POU2AF2: variants seen among roughly 807,000 people sequenced by gnomAD.
POU2AF2 encodes POU domain class 2-associating factor 2.
chr11:111,277,696 C>A, the POU2AF2 span, among the ~76,000 whole-genome samples: 1 of 152,328 alleles, frequency 6.6e-6, no homozygotes. Context: ...TTGGCCAGAG[C>A]AGTTTAAGGG....
At chr11:111,255,920 T>C in the POU2AF2 span, 1 of 398,782 alleles carries the variant, frequency 2.5e-6, no homozygotes, top group Non-Finnish European at 4.4e-6. Context: ...CCTAAACATG[T>C]CCTTTGGGAG....
chr11:111,259,624 A>G, the POU2AF2 span, among the ~76,000 whole-genome samples: 1 of 152,104 alleles, frequency 6.6e-6, no homozygotes, highest in Admixed American at 6.6e-5. Context: ...CCCACATTCC[A>G]TATTTAAAGG....
chr11:111,246,840 TA>T, the POU2AF2 span, among the ~76,000 whole-genome samples: 3 of 152,174 alleles, frequency 2.0e-5, no homozygotes, highest in Non-Finnish European at 4.4e-5. Context: ...AAAATCTACT[TA>T]TTTAACAAAA....
chr11:111,251,242 T>C, the POU2AF2 span, among the ~76,000 whole-genome samples: 1 of 152,094 alleles, frequency 6.6e-6, no homozygotes, highest in Non-Finnish European at 1.5e-5. Flanking sequence ...GGTAGCACCA[T>C]CAGGAATTGC....
At chr11:111,280,569 T>C in the POU2AF2 span, among the ~76,000 whole-genome samples, 22 of 152,148 alleles carry the variant, frequency 1.4e-4, no homozygotes, top group Non-Finnish European at 2.8e-4. Flanking sequence ...CAATCCACAC[T>C]GTCTACACCA....
At chr11:111,276,184 A>G in the POU2AF2 span, among the ~76,000 whole-genome samples, 2 of 152,046 alleles carry the variant, frequency 1.3e-5, no homozygotes, top group African/African-American at 4.8e-5. Context: ...AAGATAAATA[A>G]AAAGAAATCT....
chr11:111,256,676 A>T, the POU2AF2 span, among the ~76,000 whole-genome samples: 1 of 152,182 alleles, frequency 6.6e-6, no homozygotes, highest in Non-Finnish European at 1.5e-5. Context: ...TAATCATGGC[A>T]CGTCTGTTAG....
chr11:111,277,144 T>TA, the POU2AF2 span, among the ~76,000 whole-genome samples: 2 of 152,228 alleles, frequency 1.3e-5, no homozygotes, highest in Non-Finnish European at 2.9e-5. Flanking sequence ...AGGTTTAAGA[T>TA]ATTGTTTGTA....
chr11:111,274,335 G>A, the POU2AF2 span, among the ~76,000 whole-genome samples: 8 of 151,990 alleles, frequency 5.3e-5, no homozygotes, highest in African/African-American at 1.9e-4. Context: ...ACCACAGAGG[G>A]GGCAGCATTA....
chr11:111,271,887 G>C, the POU2AF2 span, among the ~76,000 whole-genome samples: 9 of 152,218 alleles, frequency 5.9e-5, no homozygotes, highest in Admixed American at 4.6e-4. Flanking sequence ...CATGGTGAAG[G>C]GTGCCTGTAA....
the POU2AF2 span, among the ~76,000 whole-genome samples, chr11:111,280,057 A>ATATATATATATATATAT: frequency 3.3e-4 from 25 of 76,472 alleles, no homozygotes; most frequent in African/African-American, 8.0e-4. Context: ...AAAAAAAAAA[A>ATATATATATATATATAT]ATATATATAT....
the POU2AF2 span, among the ~76,000 whole-genome samples, chr11:111,268,474 C>CTTTTTTTTT: frequency 1.4e-5 from 1 of 70,834 alleles, no homozygotes; most frequent in Non-Finnish European, 3.4e-5. Context: ...CTACATTTTT[C>CTTTTTTTTT]TTTTTTTATT....
the POU2AF2 span, among the ~76,000 whole-genome samples, chr11:111,264,324 C>G: frequency 6.6e-6 from 1 of 151,778 alleles, no homozygotes; most frequent in Non-Finnish European, 1.5e-5. Flanking sequence ...GGTGAAACCC[C>G]ATCTCTACTA....
the POU2AF2 span, among the ~76,000 whole-genome samples, chr11:111,262,966 T>C: frequency 6.6e-6 from 1 of 152,244 alleles, no homozygotes; most frequent in Non-Finnish European, 1.5e-5. Context: ...GTGGTCTGTT[T>C]TTTTCATTCC....
the POU2AF2 span, among the ~76,000 whole-genome samples, chr11:111,252,558 G>T: frequency 2.6e-5 from 4 of 151,782 alleles, no homozygotes; most frequent in Admixed American, 2.6e-4. Context: ...CACTAGAGCG[G>T]TCGTAGTAAC....
the POU2AF2 span, among the ~76,000 whole-genome samples, chr11:111,275,479 G>T: frequency 1.3e-5 from 2 of 152,182 alleles, no homozygotes; most frequent in African/African-American, 2.4e-5. Flanking sequence ...AGGGTTGGGA[G>T]GCTGAACCTT....
chr11:111,278,554 C>CG, the POU2AF2 span, among the ~76,000 whole-genome samples: 5 of 114,510 alleles, frequency 4.4e-5, no homozygotes, highest in African/African-American at 7.0e-5. Context: ...ATCTCTCTCT[C>CG]TGTCTCTCTC....
the POU2AF2 span, chr11:111,285,717 C>T: frequency 5.6e-6 from 9 of 1,613,632 alleles, no homozygotes; most frequent in Non-Finnish European, 7.6e-6. Flanking sequence ...TCTGCCGATG[C>T]CCTGCTGACC....
At chr11:111,278,927 C>G in the POU2AF2 span, among the ~76,000 whole-genome samples, 1 of 152,210 alleles carries the variant, frequency 6.6e-6, no homozygotes, top group African/African-American at 2.4e-5. Context: ...ATATTAGATG[C>G]ACCTGGTGTT....
Sources: gnomAD v4.1 joint callset for allele counts (sites outside exome capture counted in the v4.1 genomes callset) on GRCh38, gnomAD v4.1.1 for gene constraint, MANE v1.5 for transcripts, NCBI Gene and HGNC (gene_info 2026-07-23, HGNC 2026-07-21) for gene names.